ABCA13: variants seen among roughly 807,000 people sequenced by gnomAD.
The protein encoded by ABCA13 is ATP binding cassette subfamily A member 13, also known as ATP-binding cassette sub-family A member 13.
A neutral mutation model predicts 478.7 loss-of-function variants in ABCA13; 476 were observed. The ratio of observed to expected loss-of-function variants is 0.99; its 90% CI spans 0.92 to 1.07. The LOEUF (loss-of-function observed/expected upper bound fraction) is 1.07. ABCA13 is among the 50% of genes least tolerant of loss of function. The pLI, the probability that ABCA13 is intolerant of heterozygous loss-of-function variation, is 0.00. For missense variants in ABCA13, 6,060 were observed against 5,910.6 expected, an observed-to-expected ratio of 1.03 and a Z score of -0.83; for synonymous variants, 2,252 against 2,158.9, an observed-to-expected ratio of 1.04 and a Z score of -1.20.
chr7:48,366,830 A>G (rs1811746489), intron 31 of ABCA13, among the ~76,000 whole-genome samples: 1 of 152,158 alleles, frequency 6.6e-6, no homozygotes, highest in African/African-American at 2.4e-5. Flanking sequence ...GGGCAATTAA[A>G]TGTCAACATG....
At chr7:48,333,109 T>G (rs986537022) in intron 27 of ABCA13, among the ~76,000 whole-genome samples, 1 of 152,198 alleles carries the variant, frequency 6.6e-6, no homozygotes, top group African/African-American at 2.4e-5. Context: ...CTATAGGTAC[T>G]TGAGGCTCTG....
intron 57 of ABCA13, among the ~76,000 whole-genome samples, chr7:48,592,510 G>T (rs868123669): frequency 1.3e-5 from 2 of 151,786 alleles, no homozygotes; most frequent in South Asian, 4.1e-4. Context: ...GTCTCTCCTG[G>T]AGAGTATTTT....
At chr7:48,490,290 G>A (rs1829725067) in intron 48 of ABCA13, among the ~76,000 whole-genome samples, 1 of 152,226 alleles carries the variant, frequency 6.6e-6, no homozygotes, top group Non-Finnish European at 1.5e-5. Context: ...TATTTGAAGT[G>A]TATCAAGAAC....
At chr7:48,323,951 C>G (rs1168178455) in intron 27 of ABCA13, among the ~76,000 whole-genome samples, 1 of 152,210 alleles carries the variant, frequency 6.6e-6, no homozygotes, top group African/African-American at 2.4e-5. Context: ...TAAGACATGA[C>G]TTTGATCCTC....
intron 31 of ABCA13, among the ~76,000 whole-genome samples, chr7:48,357,901 T>A (rs1047579022): frequency 2.6e-5 from 4 of 151,764 alleles, no homozygotes; most frequent in African/African-American, 9.7e-5. Context: ...TCCAGCACTT[T>A]GGGAGGCCGA....
At chr7:48,205,314 A>G (rs1784788245) in intron 3 of ABCA13, among the ~76,000 whole-genome samples, 1 of 145,104 alleles carries the variant, frequency 6.9e-6, no homozygotes, top group African/African-American at 2.5e-5. Flanking sequence ...TAATGATTTA[A>G]CTGCATTTTT....
chr7:48,492,213 G>A (rs915806517), intron 48 of ABCA13, among the ~76,000 whole-genome samples: 2 of 151,932 alleles, frequency 1.3e-5, no homozygotes, highest in African/African-American at 2.4e-5. Context: ...TTTCCCCTCC[G>A]TGTAGCTGGC....
chr7:48,335,502 A>T lies in ABCA13; in HGVS notation c.10080A>T (p.Arg3360Ser). The change falls in exon 28 of 62, where the codon AGA (arginine) becomes AGT (serine). Residue 3360 changes from arginine (R) to serine (S), a missense_variant. This residue lies in a region of ABCA13 where 4,423 missense variants were observed against 4,309.1 expected (regional missense o/e 1.03). Coordinates refer to ENST00000435803, the MANE Select transcript of ABCA13 (RefSeq NM_152701.5). The part of the protein sequence containing the change: ...TLLEMSSLFQ[R>S]SGSGQMFNQL... ...TGGAAATGTCCAGCCTTTTCCAGAG[A>T]AGTGGAAGTGGCCAGATGTTCAACC... The T allele has an allele frequency of 6.2e-7, 1 of 1,613,670 alleles. No homozygotes were observed. The highest frequency in any genetic ancestry group is 8.5e-7 in the Non-Finnish European group (1 of 1,179,704).
Position 48,627,017 on chromosome 7 carries a change from C to T in ABCA13, c.14837+11640C>T, listed in dbSNP as rs1273932276. ...AACTTTGAAGCAATATTTATAAACT[C>T]TGAAGTAGAGTGAGCTGAGCTCAGA... On this transcript the variant is annotated intron_variant, in intron 59 of 61. Coordinates refer to ENST00000435803, the MANE Select transcript of ABCA13 (RefSeq NM_152701.5). The T allele has an allele frequency of 5.1e-6, 5 of 985,260 alleles. No individual in the cohort carries two copies. The South Asian group carries it at 2.3e-4, about 46-fold the overall frequency. 61.0% of individuals were successfully genotyped at this position (985,260 alleles called of 1,614,324 possible).
At chr7:48,597,139 A>G (rs1790376438) in intron 58 of ABCA13, among the ~76,000 whole-genome samples, 1 of 151,928 alleles carries the variant, frequency 6.6e-6, no homozygotes, top group Non-Finnish European at 1.5e-5. Context: ...TTTAGTAGAG[A>G]CGGGGTTTCA....
At position 48,279,626 on chromosome 7, in the gene ABCA13, A is replaced by T. The variant is rs745799149; in HGVS notation, c.8432A>T (p.Gln2811Leu). ...TTGAGTCAGAATATAACTCATCATC[A>T]ACTTGAAAAAGCAATCCATAATGTT... ...TPLSQNITHH[Q>L]LEKAIHNVLS... The change falls in exon 18 of 62, where the codon CAA (glutamine) becomes CTA (leucine). Residue 2811 changes from glutamine (Q) to leucine (L), a missense_variant. By Grantham distance (113) the Gln-to-Leu change is moderately radical (BLOSUM62 -2). Around this residue, in one of 3 missense-constraint regions of ABCA13, gnomAD observed 4,423 missense variants for 4,309.1 expected, o/e 1.03. Transcript: ENST00000435803. The T allele has an allele frequency of 1.2e-6, 2 of 1,612,530 alleles. No homozygotes were observed. The highest frequency in any genetic ancestry group is 2.2e-5 in the East Asian group (1 of 44,800).
chr7:48,386,133 C>T (rs1815150944), intron 35 of ABCA13, among the ~76,000 whole-genome samples: 1 of 152,124 alleles, frequency 6.6e-6, no homozygotes, highest in Non-Finnish European at 1.5e-5. Flanking sequence ...TAACAAACTT[C>T]CATTCACAAC....
chr7:48,329,536 GCCTTT>G (rs959075195), intron 27 of ABCA13, among the ~76,000 whole-genome samples: 2 of 152,046 alleles, frequency 1.3e-5, no homozygotes, highest in Admixed American at 6.6e-5. Flanking sequence ...CAACAGACCA[GCCTTT>G]CTCTTTTCCT....
Position 48,244,585 on chromosome 7 carries a change from T to C in ABCA13, c.1272T>C (p.His424=), listed in dbSNP as rs1376993937. 1 of 1,613,234 alleles carries C rather than the reference T, an allele frequency of 6.2e-7. No homozygotes were observed. Among genetic ancestry groups the C allele is most frequent in the East Asian group, 2.2e-5 (1 of 44,860 alleles). Residue 424 remains histidine, a synonymous_variant, in exon 11 of 62, where the codon CAT becomes CAC. Transcript: ENST00000435803. ...TTATTTTTGCCCTCAGATTACAGCA[T>C]CTGTGGAAATTGCAAAGCTTGCTGC... is the stretch of plus-strand genomic sequence containing the variant. The part of the protein sequence containing the change: ...DNHTFPKILQ[H]LWKLQSLLQN...
chr7:48,350,841 A>G (rs930379317), intron 30 of ABCA13, 22 bp downstream of exon 30: 2 of 1,601,920 alleles, frequency 1.2e-6, no homozygotes, highest in Admixed American at 3.4e-5. Context: ...ATGAAAAAAT[A>G]TGTTCGCCAA....
intron 43 of ABCA13, among the ~76,000 whole-genome samples, chr7:48,460,243 G>T (rs1292955306): frequency 6.6e-6 from 1 of 152,098 alleles, no homozygotes; most frequent in African/African-American, 2.4e-5. Flanking sequence ...AGTTTTCTAG[G>T]GCTGCTATAG....
At chr7:48,254,462 G>T (rs143140062) in intron 15 of ABCA13, among the ~76,000 whole-genome samples, 2 of 151,942 alleles carry the variant, frequency 1.3e-5, no homozygotes, top group African/African-American at 2.4e-5. Flanking sequence ...TTAAGATAGG[G>T]TCTTGCTATA....
intron 48 of ABCA13, among the ~76,000 whole-genome samples, chr7:48,499,250 AGTTT>A (rs1303451345): frequency 6.6e-6 from 1 of 152,184 alleles, no homozygotes; most frequent in African/African-American, 2.4e-5. Context: ...TTCTTTTAAT[AGTTT>A]GTTAGATTGA....
intron 55 of ABCA13, among the ~76,000 whole-genome samples, chr7:48,544,316 C>T (rs114763587): frequency 0.017 from 2,643 of 151,800 alleles, 94 homozygotes; most frequent in African/African-American, 0.06. Flanking sequence ...AATGTCCAAA[C>T]TGATGTAATT....
Sources: allele counts gnomAD v4.1 joint callset (sites outside exome capture counted in the v4.1 genomes callset), GRCh38; gene constraint gnomAD v4.1.1; regional missense constraint gnomAD v4.1.1; transcripts MANE v1.5; gene names NCBI Gene and HGNC (gene_info 2026-07-23, HGNC 2026-07-21).